Variants in RYR2 observed in about 807,000 individuals in gnomAD.
RYR2 encodes ryanodine receptor 2.
Under a neutral mutation model 601.1 loss-of-function variants are expected in RYR2, and 227 were observed. That is an observed-to-expected ratio of 0.38 (90% CI 0.34 to 0.42). The LOEUF is 0.42. Ranked by LOEUF, RYR2 falls within the 10% of genes least tolerant of loss-of-function variation. The pLI, the probability that RYR2 is intolerant of heterozygous loss-of-function variation, is 1.00. For missense variants in RYR2, 4,646 were observed against 6,156.5 expected, an observed-to-expected ratio of 0.75 and a Z score of 8.21; for synonymous variants, 2,223 against 2,175.1, an observed-to-expected ratio of 1.02 and a Z score of -0.61.
chr1:237,727,662 C>G (rs1690309917), intron 76 of RYR2, among the ~76,000 whole-genome samples: 1 of 152,072 alleles, frequency 6.6e-6, no homozygotes, highest in Admixed American at 6.6e-5. Flanking sequence ...ATACAGAGTG[C>G]TTAGAAGTGA....
chr1:237,125,955 G>C (rs915777210), intron 1 of RYR2, among the ~76,000 whole-genome samples: 4 of 152,216 alleles, frequency 2.6e-5, no homozygotes, highest in Non-Finnish European at 5.9e-5. Flanking sequence ...ACAAAACTGA[G>C]GCCGGGCACA....
chr1:237,272,752 A>G (rs1002920766), intron 2 of RYR2, among the ~76,000 whole-genome samples: 2 of 152,050 alleles, frequency 1.3e-5, no homozygotes, highest in African/African-American at 2.4e-5. Flanking sequence ...AAAATAAGAG[A>G]CACTATGAAA....
chr1:237,786,723 T>C (rs182436530), intron 91 of RYR2, among the ~76,000 whole-genome samples: 83 of 152,374 alleles, frequency 5.4e-4, no homozygotes, highest in African/African-American at 1.8e-3. Context: ...TAGAATTTTA[T>C]ACGCACATTT....
At chr1:237,604,767 A>G (rs910202091) in intron 35 of RYR2, among the ~76,000 whole-genome samples, 5 of 152,174 alleles carry the variant, frequency 3.3e-5, no homozygotes, top group African/African-American at 1.2e-4. Context: ...AGAAATACAA[A>G]CTACCATCAG....
At chr1:237,229,606 T>A (rs1365447662) in intron 1 of RYR2, among the ~76,000 whole-genome samples, 1 of 152,154 alleles carries the variant, frequency 6.6e-6, no homozygotes, top group Non-Finnish European at 1.5e-5. Flanking sequence ...CGAGTTCCTG[T>A]TGGGACATTG....
intron 1 of RYR2, among the ~76,000 whole-genome samples, chr1:237,108,375 A>G (rs956604578): frequency 6.6e-6 from 1 of 152,214 alleles, no homozygotes; most frequent in African/African-American, 2.4e-5. Flanking sequence ...ATGTCCTCAT[A>G]GAGGCTTGGC....
chr1:237,533,164 C>A (rs1380840879), intron 25 of RYR2, among the ~76,000 whole-genome samples: 1 of 152,046 alleles, frequency 6.6e-6, no homozygotes, highest in Non-Finnish European at 1.5e-5. Flanking sequence ...AAGCTGAGAC[C>A]CTTAAATGAA....
At chr1:237,198,573 C>A (rs1680827907) in intron 1 of RYR2, among the ~76,000 whole-genome samples, 1 of 151,288 alleles carries the variant, frequency 6.6e-6, no homozygotes, top group African/African-American at 2.4e-5. Flanking sequence ...GTTTTTCACT[C>A]TGAGAAATGT....
At chr1:237,807,213 A>C (rs1367806815) in intron 99 of RYR2, among the ~76,000 whole-genome samples, 1 of 152,174 alleles carries the variant, frequency 6.6e-6, no homozygotes, top group East Asian at 1.9e-4. Flanking sequence ...TCTGTCAGTT[A>C]ATAAGATGTG....
chr1:237,167,708 C>CTTTTTTTTT (rs11288225), intron 1 of RYR2, among the ~76,000 whole-genome samples: 2 of 101,114 alleles, frequency 2.0e-5, no homozygotes, highest in African/African-American at 3.9e-5. Flanking sequence ...GATCCACCTC[C>CTTTTTTTTT]TTTTTTTTTT....
At chr1:237,096,428 G>A (rs1275271588) in intron 1 of RYR2, among the ~76,000 whole-genome samples, 1 of 152,116 alleles carries the variant, frequency 6.6e-6, no homozygotes, top group East Asian at 1.9e-4. Context: ...GTTCTTATGA[G>A]AATGGTTTCT....
At chr1:237,387,166 A>T in intron 8 of RYR2, 115 bp from the exon 9 acceptor site, 2 of 868,888 alleles carry the variant, frequency 2.3e-6, no homozygotes, top group South Asian at 2.7e-5. Context: ...GTTGAAACAG[A>T]TGTTCTCTAT....
chr1:237,511,566 A>C, intron 23 of RYR2, 122 bp from the exon 24 acceptor site: 2 of 709,848 alleles, frequency 2.8e-6, no homozygotes, highest in Admixed American at 4.1e-5. Context: ...GCAGCTTTGC[A>C]GGGGTAATGA....
intron 69 of RYR2, among the ~76,000 whole-genome samples, 189 bp from the exon 70 acceptor site, chr1:237,709,291 G>T (rs539103490): frequency 1.1e-4 from 16 of 152,124 alleles, no homozygotes; most frequent in African/African-American, 3.9e-4. Context: ...GTTTCATTCT[G>T]ATTTTGCATG....
intron 34 of RYR2, among the ~76,000 whole-genome samples, chr1:237,601,155 C>T (rs1487042843): frequency 2.0e-5 from 3 of 152,086 alleles, no homozygotes; most frequent in Non-Finnish European, 4.4e-5. Context: ...CAGCACTACT[C>T]ACAATAGCCA....
At chr1:237,615,545 A>T (rs991851921) in intron 37 of RYR2, among the ~76,000 whole-genome samples, 1 of 152,104 alleles carries the variant, frequency 6.6e-6, no homozygotes, top group African/African-American at 2.4e-5. Flanking sequence ...ATGCTCCTCA[A>T]GATGTCTAAA....
intron 1 of RYR2, among the ~76,000 whole-genome samples, chr1:237,268,431 T>C (rs1689285027): frequency 6.6e-6 from 1 of 152,210 alleles, no homozygotes; most frequent in African/African-American, 2.4e-5. Context: ...ATAGCCACAC[T>C]GCACATGAAT....
At chr1:237,752,365 G>T (rs1692602757) in intron 80 of RYR2, among the ~76,000 whole-genome samples, 1 of 151,840 alleles carries the variant, frequency 6.6e-6, no homozygotes, top group African/African-American at 2.4e-5. Flanking sequence ...GCCCAGGCTG[G>T]TCTAGAGCTC....
At chr1:237,548,302 G>C (rs1033772652) in intron 25 of RYR2, 129 bp from the exon 26 acceptor site, 1 of 843,552 alleles carries the variant, frequency 1.2e-6, no homozygotes, top group Non-Finnish European at 1.8e-6. Context: ...TTGCTGTCTG[G>C]TACTTCACCA....
Sources: gnomAD v4.1 joint callset for allele counts (sites outside exome capture counted in the v4.1 genomes callset) on GRCh38, gnomAD v4.1.1 for gene constraint, MANE v1.5 for transcripts, NCBI Gene and HGNC (gene_info 2026-07-23, HGNC 2026-07-21) for gene names.